Variants in ANGPT1 observed in about 807,000 individuals in gnomAD.
ANGPT1 encodes the protein angiopoietin 1.
ANGPT1 carries 17 observed loss-of-function variants against 62.2 expected under a neutral mutation model. The observed-to-expected ratio is 0.27, with a 90% CI of 0.19 to 0.41. The LOEUF is 0.41. ANGPT1 is among the 10% of genes least tolerant of loss of function. The probability of loss-of-function intolerance (pLI) is 1.00; values close to 1 mark genes in which losing one functional copy is unlikely to be tolerated. For synonymous variants in ANGPT1, 199 were observed against 198.9 expected, an observed-to-expected ratio of 1.00 and a Z score of 0.00; for missense variants, 478 against 594.9, an observed-to-expected ratio of 0.80 and a Z score of 2.04.
intron 7 of ANGPT1, among the ~76,000 whole-genome samples, chr8:107,273,870 A>G (rs1336731293): frequency 1.3e-5 from 2 of 151,172 alleles, no homozygotes; most frequent in Non-Finnish European, 2.9e-5. Flanking sequence ...ACATAAATTT[A>G]TACAAAATTT....
At chr8:107,322,579 T>C (rs948563580) in intron 3 of ANGPT1, 3 of 185,896 alleles carry the variant, frequency 1.6e-5, no homozygotes, top group Admixed American at 1.2e-4. Context: ...AACGTTAACA[T>C]TGACTAAATT....
At chr8:107,476,177 A>G (rs1335826241) in intron 1 of ANGPT1, among the ~76,000 whole-genome samples, 1 of 152,214 alleles carries the variant, frequency 6.6e-6, no homozygotes, top group Non-Finnish European at 1.5e-5. Context: ...AAAGACTTAG[A>G]ACCAACCCAA....
At chr8:107,332,435 T>C (rs951459335) in intron 3 of ANGPT1, among the ~76,000 whole-genome samples, 1 of 152,138 alleles carries the variant, frequency 6.6e-6, no homozygotes, top group African/African-American at 2.4e-5. Flanking sequence ...CTCTGGACTG[T>C]TAGGAAAACA....
chr8:107,432,810 T>C (rs1811228587), intron 1 of ANGPT1, among the ~76,000 whole-genome samples: 1 of 152,336 alleles, frequency 6.6e-6, no homozygotes, highest in Non-Finnish European at 1.5e-5. Context: ...CTCTGGTTCA[T>C]TCAAATAAAT....
intron 3 of ANGPT1, among the ~76,000 whole-genome samples, chr8:107,330,365 G>A (rs1194922452): frequency 6.6e-6 from 1 of 152,150 alleles, no homozygotes. Flanking sequence ...TCAAGGAAAA[G>A]TGAAACCAGG....
intron 1 of ANGPT1, among the ~76,000 whole-genome samples, chr8:107,489,544 G>GA (rs1201027890): frequency 6.6e-6 from 1 of 152,092 alleles, no homozygotes; most frequent in Non-Finnish European, 1.5e-5. Context: ...TTGCTTGAAG[G>GA]AAAAAATTCA....
intron 4 of ANGPT1, among the ~76,000 whole-genome samples, chr8:107,313,564 C>T (rs375178654): frequency 2.7e-5 from 4 of 150,060 alleles, no homozygotes; most frequent in Admixed American, 6.7e-5. Context: ...CTCAGCCTCC[C>T]GAGTAGTTGG....
intron 1 of ANGPT1, among the ~76,000 whole-genome samples, chr8:107,467,843 C>G (rs771541590): frequency 6.6e-6 from 1 of 152,130 alleles, no homozygotes; most frequent in Non-Finnish European, 1.5e-5. Context: ...ATTGATAAAT[C>G]AGTACTTTCT....
intron 1 of ANGPT1, among the ~76,000 whole-genome samples, chr8:107,463,154 G>A (rs1290632868): frequency 6.6e-6 from 1 of 152,140 alleles, no homozygotes; most frequent in Non-Finnish European, 1.5e-5. Flanking sequence ...TTTTCAGCAT[G>A]CATGCTTTGA....
chr8:107,293,657 G>T (rs141184735), intron 6 of ANGPT1, among the ~76,000 whole-genome samples: 1 of 152,202 alleles, frequency 6.6e-6, no homozygotes, highest in African/African-American at 2.4e-5. Context: ...CTGAGTTCTA[G>T]CTTCCCCCAC....
intron 1 of ANGPT1, among the ~76,000 whole-genome samples, chr8:107,492,381 G>C (rs1812982440): frequency 6.6e-6 from 1 of 152,042 alleles, no homozygotes; most frequent in South Asian, 2.1e-4. Context: ...TGTCATTCAG[G>C]CTGGAGTGCA....
chr8:107,331,664 GC>G (rs1343528936), intron 3 of ANGPT1, among the ~76,000 whole-genome samples: 1 of 152,080 alleles, frequency 6.6e-6, no homozygotes, highest in Non-Finnish European at 1.5e-5. Context: ...TACATACTTT[GC>G]AGGATTGGTT....
At chr8:107,325,884 T>C (rs1815275673) in intron 3 of ANGPT1, among the ~76,000 whole-genome samples, 2 of 152,200 alleles carry the variant, frequency 1.3e-5, no homozygotes, top group South Asian at 4.1e-4. Context: ...ATTTGTTTTG[T>C]TTTTCAGGAT....
At chr8:107,296,269 G>T (rs1814413856) in intron 5 of ANGPT1, among the ~76,000 whole-genome samples, 1 of 152,022 alleles carries the variant, frequency 6.6e-6, no homozygotes, top group African/African-American at 2.4e-5. Flanking sequence ...GGTGGGCAGG[G>T]ATTTCTTTCA....
intron 1 of ANGPT1, among the ~76,000 whole-genome samples, chr8:107,415,336 T>C (rs1308453049): frequency 3.3e-5 from 5 of 152,178 alleles, no homozygotes; most frequent in African/African-American, 1.2e-4. Context: ...TCTAGGCTTG[T>C]ATTTTGAGTC....
At chr8:107,369,393 C>T (rs1816336225) in intron 1 of ANGPT1, among the ~76,000 whole-genome samples, 1 of 152,172 alleles carries the variant, frequency 6.6e-6, no homozygotes, top group Non-Finnish European at 1.5e-5. Context: ...ATCCAAACTA[C>T]TAAAACTTTC....
intron 1 of ANGPT1, among the ~76,000 whole-genome samples, chr8:107,456,473 G>A (rs973546335): frequency 2.6e-5 from 4 of 152,128 alleles, no homozygotes; most frequent in African/African-American, 9.6e-5. Flanking sequence ...ATGATTAAAA[G>A]TCACATTGAC....
At chr8:107,495,334 G>C (rs992550971) in intron 1 of ANGPT1, among the ~76,000 whole-genome samples, 11 of 152,138 alleles carry the variant, frequency 7.2e-5, no homozygotes, top group African/African-American at 2.7e-4. Flanking sequence ...CATTTTAATA[G>C]TTATTCTTGG....
At chr8:107,295,903 C>T (rs1288660768) in intron 5 of ANGPT1, among the ~76,000 whole-genome samples, 2 of 152,064 alleles carry the variant, frequency 1.3e-5, no homozygotes, top group Non-Finnish European at 2.9e-5. Context: ...AATTTATTCT[C>T]ATGATAGTCC....
Sources: allele counts gnomAD v4.1 joint callset (sites outside exome capture counted in the v4.1 genomes callset), GRCh38; gene constraint gnomAD v4.1.1; transcripts MANE v1.5; gene names NCBI Gene and HGNC (gene_info 2026-07-23, HGNC 2026-07-21).